Variants in CYP7B1 observed in about 807,000 individuals in gnomAD.
CYP7B1 encodes cytochrome P450 family 7 subfamily B member 1.
A neutral mutation model predicts 42.7 loss-of-function variants in CYP7B1; 29 were observed. The observed-to-expected ratio is 0.68, with a 90% CI of 0.51 to 0.93. The LOEUF (loss-of-function observed/expected upper bound fraction) is 0.93. Among genes scored for constraint, CYP7B1 ranks in the 40% least tolerant of loss-of-function variants. The pLI is 0.00. For synonymous variants in CYP7B1, 235 were observed against 218.2 expected, an observed-to-expected ratio of 1.08 and a Z score of -0.68; for missense variants, 655 against 600.5, an observed-to-expected ratio of 1.09 and a Z score of -0.95.
At chr8:64,771,084 C>T (rs1804217108) in intron 1 of CYP7B1, among the ~76,000 whole-genome samples, 1 of 20,252 alleles carries the variant, frequency 4.9e-5, no homozygotes, top group African/African-American at 1.7e-4. Flanking sequence ...TTTTTTTAGA[C>T]AGGGTCTTGC....
intron 1 of CYP7B1, among the ~76,000 whole-genome samples, chr8:64,663,587 C>G (rs1229428548): frequency 1.3e-5 from 2 of 152,164 alleles, no homozygotes; most frequent in African/African-American, 2.4e-5. Flanking sequence ...ACCCTTCTAC[C>G]TCCTAAAAGT....
At position 64,709,992 on chromosome 8, in the gene CYP7B1, G is replaced by A. The variant is rs953793311; in HGVS notation, c.123-85453C>T. On this transcript the variant is annotated intron_variant, in intron 1 of 5. Coordinates refer to ENST00000310193, the MANE Select transcript of CYP7B1 (RefSeq NM_004820.5). ...CAGTATTTGGTTGACATTTTCTACA[G>A]GCCATATCGAGAACAGTTCTATCAG... is the stretch of plus-strand genomic sequence containing the variant. Among the ~76,000 whole-genome samples the A allele has an allele frequency of 2.0e-5, 3 of 152,134 alleles. No individual in the cohort carries two copies. In the South Asian group the frequency reaches 6.2e-4, roughly 32 times the overall value.
At chr8:64,700,714 A>G (rs1409839102) in intron 1 of CYP7B1, among the ~76,000 whole-genome samples, 1 of 152,158 alleles carries the variant, frequency 6.6e-6, no homozygotes, top group East Asian at 1.9e-4. Context: ...TGGTTCAGAA[A>G]GAACAAAGTA....
chr8:64,607,465 C>G (rs192113595), intron 4 of CYP7B1, among the ~76,000 whole-genome samples: 1 of 151,076 alleles, frequency 6.6e-6, no homozygotes, highest in East Asian at 2.0e-4. Context: ...ATTTGCTATA[C>G]TTAGTTCACA....
At chr8:64,617,198 T>G (rs984135484) in intron 2 of CYP7B1, among the ~76,000 whole-genome samples, 1 of 152,126 alleles carries the variant, frequency 6.6e-6, no homozygotes, top group Non-Finnish European at 1.5e-5. Flanking sequence ...ATTTAAAAAC[T>G]TGGGATGCTT....
In CYP7B1 at chr8:64,610,312, C is replaced by T. The variant is rs1014090307; in HGVS notation, c.1057+4714G>A. ...TATAAAATTTTCACTATTTACATCC[C>T]TGAGTTTCTGATGTACTTCTTTGTG... On this transcript the variant is annotated intron_variant, in intron 4 of 5. Coordinates refer to ENST00000310193, the MANE Select transcript of CYP7B1 (RefSeq NM_004820.5). Among the ~76,000 whole-genome samples the T allele has an allele frequency of 3.3e-5, 5 of 152,162 alleles. No individual in the cohort carries two copies. In the South Asian group the frequency reaches 1.0e-3, roughly 32 times the overall value.
At chr8:64,717,974 C>T (rs1807182867) in intron 1 of CYP7B1, among the ~76,000 whole-genome samples, 1 of 149,120 alleles carries the variant, frequency 6.7e-6, no homozygotes, top group South Asian at 2.1e-4. Flanking sequence ...AGACATGAAA[C>T]AATTAAAAAT....
chr8:64,710,257 T>C (rs1807061555), intron 1 of CYP7B1, among the ~76,000 whole-genome samples: 1 of 152,140 alleles, frequency 6.6e-6, no homozygotes, highest in African/African-American at 2.4e-5. Flanking sequence ...CAAATAAGAT[T>C]CAAATTCTTT....
intron 1 of CYP7B1, among the ~76,000 whole-genome samples, chr8:64,725,095 C>T (rs1363496897): frequency 1.3e-5 from 2 of 152,152 alleles, no homozygotes; most frequent in African/African-American, 4.8e-5. Context: ...CCCATCAATC[C>T]GTAACCATTA....
intron 1 of CYP7B1, among the ~76,000 whole-genome samples, chr8:64,746,381 G>A (rs1245535017): frequency 6.6e-6 from 1 of 152,152 alleles, no homozygotes; most frequent in East Asian, 1.9e-4. Context: ...CCAGGGAATT[G>A]CAATGAGAAT....
At chr8:64,780,799 C>T (rs755798503) in intron 1 of CYP7B1, among the ~76,000 whole-genome samples, 4 of 151,968 alleles carry the variant, frequency 2.6e-5, no homozygotes, top group Non-Finnish European at 4.4e-5. Flanking sequence ...TTTGGGAAAT[C>T]GGTGAAGTAC....
chr8:64,753,939 C>T (rs1807769104), intron 1 of CYP7B1, among the ~76,000 whole-genome samples: 1 of 152,176 alleles, frequency 6.6e-6, no homozygotes, highest in African/African-American at 2.4e-5. Flanking sequence ...GGTGCTCATA[C>T]ACAACCATGT....
intron 4 of CYP7B1, among the ~76,000 whole-genome samples, chr8:64,605,921 A>T (rs942245092): frequency 5.9e-5 from 9 of 152,212 alleles, no homozygotes; most frequent in African/African-American, 1.9e-4. Context: ...GTACCCAATT[A>T]TTAGATTATT....
intron 1 of CYP7B1, among the ~76,000 whole-genome samples, chr8:64,635,097 AGCATCTCACGG>A (rs960305746): frequency 1.1e-4 from 17 of 152,222 alleles, no homozygotes; most frequent in Admixed American, 9.2e-4. Flanking sequence ...CAAACTCAAG[AGCATCTCACGG>A]GTACAGTTAG....
At chr8:64,617,185 T>C (rs952667502) in intron 2 of CYP7B1, among the ~76,000 whole-genome samples, 2 of 152,152 alleles carry the variant, frequency 1.3e-5, no homozygotes, top group African/African-American at 4.8e-5. Flanking sequence ...CCCAAACTTA[T>C]CAATTTAAAA....
chr8:64,788,161 A>G (rs1162929736), intron 1 of CYP7B1, among the ~76,000 whole-genome samples: 4 of 152,206 alleles, frequency 2.6e-5, no homozygotes, highest in Admixed American at 2.6e-4. Context: ...AAGAACCCTA[A>G]TGTAAAGCAT....
chr8:64,592,017 G>A lies in CYP7B1; in HGVS notation c.*4625C>T, dbSNP rs1231242007. On this transcript the variant is annotated 3_prime_UTR_variant, in exon 6 of 6. Transcript: ENST00000310193. ...AGCCTGATCAACATGGTGAAACCTC[G>A]TCTCCACTAAAAATACAAAAGTTGG... is the stretch of plus-strand genomic sequence containing the variant. Among the ~76,000 whole-genome samples, 3 of 151,852 alleles carry A rather than the reference G, an allele frequency of 2.0e-5. No homozygotes were observed. Among genetic ancestry groups the A allele is most frequent in the Non-Finnish European group, 2.9e-5 (2 of 67,970 alleles).
At chr8:64,667,259 A>G (rs1449911945) in intron 1 of CYP7B1, among the ~76,000 whole-genome samples, 5 of 152,216 alleles carry the variant, frequency 3.3e-5, no homozygotes, top group Admixed American at 2.6e-4. Flanking sequence ...GGGCTTTTGA[A>G]GTAAGTTTCC....
chr8:64,774,407 G>T (rs767544524), intron 1 of CYP7B1, among the ~76,000 whole-genome samples: 12 of 152,086 alleles, frequency 7.9e-5, no homozygotes, highest in Admixed American at 2.0e-4. Flanking sequence ...CTGGATATTG[G>T]GGTATCAACA....
Sources: allele counts gnomAD v4.1 joint callset (sites outside exome capture counted in the v4.1 genomes callset), GRCh38; gene constraint gnomAD v4.1.1; transcripts MANE v1.5; gene names NCBI Gene and HGNC (gene_info 2026-07-23, HGNC 2026-07-21).